AMPD1: variants seen among roughly 807,000 people sequenced by gnomAD.
AMPD1 encodes adenosine monophosphate deaminase 1, also known as AMP deaminase 1.
Under a neutral mutation model 82.9 loss-of-function variants are expected in AMPD1, and 74 were observed. That is an observed-to-expected ratio of 0.89 (90% CI 0.74 to 1.08). The LOEUF is 1.08. Ranked by LOEUF, AMPD1 falls within the 50% of genes least tolerant of loss-of-function variation. The pLI, the probability that AMPD1 is intolerant of heterozygous loss-of-function variation, is 0.00. For missense variants in AMPD1, 881 were observed against 924.5 expected (o/e 0.95, Z 0.61); for synonymous variants, 333 against 320.5 (o/e 1.04, Z -0.42).
rs760951378 is a variant in AMPD1, at chr1:114,675,974, G to C, written c.1418C>G (p.Pro473Arg). 14 of 1,614,040 alleles carry C rather than the reference G, an allele frequency of 8.7e-6. No individual in the cohort carries two copies. Among genetic ancestry groups the C allele is most frequent in the Non-Finnish European group, 1.1e-5 (13 of 1,179,996 alleles). Residue 473 changes from proline (P) to arginine (R), a missense_variant, in exon 11 of 16, where the codon CCA becomes CGA. This residue lies in a region of AMPD1 where 783 missense variants were observed against 786.4 expected (regional missense o/e 1.00). Coordinates refer to ENST00000520113, the MANE Select transcript of AMPD1 (RefSeq NM_000036.3). ...ATTCTCCAGCATTTTTCCAAAATGT[G>C]GAAGGAAATTCTTGGAACGGAACAC... is the stretch of plus-strand genomic sequence containing the variant. The part of the protein sequence containing the change: ...YDVFRSKNFL[P>R]HFGKMLENIF...
rs1658089252 is a variant in AMPD1 at position 114,679,472 on chromosome 1, T to C, written c.897+107A>G. The stretch of plus-strand genomic sequence containing the variant: ...TGTTTTTACTAAAATCCACTGAACC[T>C]GTAGAAATCTTAGATTAATCAGAAA... On this transcript the variant is annotated intron_variant, in intron 7 of 15. Coordinates refer to ENST00000520113, the MANE Select transcript of AMPD1 (RefSeq NM_000036.3). 2.0e-6 allele frequency: 3 copies of C among 1,475,702 alleles called. 1 individual carries two copies. Among genetic ancestry groups the C allele is most frequent in the Non-Finnish European group, 9.4e-7 (1 of 1,061,066 alleles). 91.4% of individuals were successfully genotyped at this position (1,475,702 alleles called of 1,614,324 possible). A position where few individuals can be genotyped will look rare whatever the true frequency, so the allele number is the denominator to read the frequency against.
At chr1:114,691,701 G>C (rs1001423542) in intron 2 of AMPD1, among the ~76,000 whole-genome samples, 1 of 152,082 alleles carries the variant, frequency 6.6e-6, no homozygotes, top group Admixed American at 6.6e-5. Flanking sequence ...TGAGGTGGGC[G>C]GATCACCTGA....
intron 2 of AMPD1, 28 bp from the exon 3 acceptor site, chr1:114,688,769 T>C: frequency 6.2e-7 from 1 of 1,613,594 alleles, no homozygotes; most frequent in Non-Finnish European, 8.5e-7. Context: ...ATATTAGTGT[T>C]CAAGCCCCTT....
At position 114,688,751 on chromosome 1, in the gene AMPD1, G is replaced by T. The variant is rs1282932858; in HGVS notation, c.35-10C>A. Reference sequence around the variant, plus strand: ...ATTGCATCATCAATTTCTAAAAGAGGTTTTCACATATTAGTGTTCAAGCCC... The same window carrying T: ...ATTGCATCATCAATTTCTAAAAGAGTTTTTCACATATTAGTGTTCAAGCCC... On this transcript the variant is annotated splice_polypyrimidine_tract_variant and intron_variant, in intron 2 of 15. Coordinates refer to ENST00000520113, the MANE Select transcript of AMPD1 (RefSeq NM_000036.3). 1 of 1,614,158 alleles carries T rather than the reference G, an allele frequency of 6.2e-7. No homozygotes were observed. Among genetic ancestry groups the T allele is most frequent in the Non-Finnish European group, 8.5e-7 (1 of 1,180,008 alleles).
chr1:114,679,859 A>G (rs1197260018), intron 6 of AMPD1, 151 bp from the exon 7 acceptor site: 1 of 900,340 alleles, frequency 1.1e-6, no homozygotes, highest in Admixed American at 2.1e-5. Flanking sequence ...CCCACTGAGA[A>G]GTAGTGGGCT....
intron 13 of AMPD1, 69 bp downstream of exon 13, chr1:114,674,683 T>C: frequency 1.3e-6 from 2 of 1,543,052 alleles, no homozygotes; most frequent in South Asian, 2.2e-5. Context: ...TGTGACAGTA[T>C]GGTTGGTTAA....
chr1:114,693,335 A>T, intron 2 of AMPD1, 101 bp downstream of exon 2: 1 of 1,204,528 alleles, frequency 8.3e-7, no homozygotes, highest in East Asian at 2.3e-5. Context: ...ATTATTTAAT[A>T]AACACTGCTG....
chr1:114,675,642 A>G lies in AMPD1; in HGVS notation c.1567T>C (p.Phe523Leu). ...DDESKHSGHM[F>L]SSKSPKPQEW... ...TGGGGCTTGGGACTCTTGGAGGAGA[A>G]CATGTGGCCACTGTGTTTGGACTCA... Residue 523 changes from phenylalanine to leucine, a missense_variant, in exon 12 of 16, where the codon TTC (phenylalanine) becomes CTC (leucine). Physicochemically the swap from Phe to Leu is conservative, Grantham distance 22 (BLOSUM62 0). Transcript: ENST00000520113. The G allele has an allele frequency of 6.2e-7, 1 of 1,614,222 alleles. No individual in the cohort carries two copies. Among genetic ancestry groups the G allele is most frequent in the Non-Finnish European group, 8.5e-7 (1 of 1,180,022 alleles).
intron 10 of AMPD1, 140 bp downstream of exon 10, chr1:114,677,211 C>T (rs1432533548): frequency 2.1e-5 from 24 of 1,139,870 alleles, no homozygotes; most frequent in Non-Finnish European, 2.8e-5. Flanking sequence ...CAAAACCAAG[C>T]ATGCAGGACC....
rs375898522 is a variant in AMPD1, at chr1:114,688,602, T to A, written c.174A>T (p.Ile58=). 2.5e-5 allele frequency: 40 copies of A among 1,614,086 alleles called. No individual in the cohort carries two copies. Among genetic ancestry groups the A allele is most frequent in the Non-Finnish European group, 3.1e-5 (36 of 1,180,042 alleles). Residue 58 remains isoleucine, a synonymous_variant, in exon 3 of 16, where the codon ATA becomes ATT. Coordinates refer to ENST00000520113, the MANE Select transcript of AMPD1 (RefSeq NM_000036.3). ...AGGTGGACAGAGTCTCCAGATGGAA[T>A]ATGTGTGCTTGCATCTCATGATGAG... ...PISHHEMQAH[I]FHLETLSTST...
At position 114,688,641 on chromosome 1, in the gene AMPD1, C is replaced by A; in HGVS notation, c.135G>T (p.Glu45Asp). Residue 45 changes from glutamate (E) to aspartate (D), a missense_variant, in exon 3 of 16, where the codon GAG (glutamate) becomes GAT (aspartate). Around this residue, in one of 2 missense-constraint regions of AMPD1, gnomAD observed 783 missense variants for 786.4 expected, o/e 1.00. Transcript: ENST00000520113. ...TCTCATGATGAGAAATCGGACAGATCTCATCCACATCAAAGGGGGAAATCT... is the reference window on the plus strand; with the variant it reads ...TCTCATGATGAGAAATCGGACAGATATCATCCACATCAAAGGGGGAAATCT... ...RQEISPFDVD[E>D]ICPISHHEMQ... The A allele has an allele frequency of 6.2e-7, 1 of 1,614,200 alleles. No homozygotes were observed. Among genetic ancestry groups the A allele is most frequent in the Non-Finnish European group, 8.5e-7 (1 of 1,180,030 alleles).
At chr1:114,693,940 G>A (rs746565709) in intron 1 of AMPD1, among the ~76,000 whole-genome samples, 5 of 152,068 alleles carry the variant, frequency 3.3e-5, no homozygotes, top group African/African-American at 7.2e-5. Context: ...AGTGGCTCAC[G>A]CCTATAATCC....
rs76710407 is a variant in AMPD1 at position 114,676,286 on chromosome 1, G to A, written c.1389-283C>T. Reference sequence around the variant, plus strand: ...ACCTTCACAGCTAAGTCCTCATAGAGGAATATGCAATTACGTCATAAAAGC... The same window carrying A: ...ACCTTCACAGCTAAGTCCTCATAGAAGAATATGCAATTACGTCATAAAAGC... On this transcript the variant is annotated intron_variant, in intron 10 of 15. Coordinates refer to ENST00000520113, the MANE Select transcript of AMPD1 (RefSeq NM_000036.3). The A allele has an allele frequency of 0.081, 32,187 of 395,624 alleles. 1,511 individuals carry two copies. The highest frequency in any genetic ancestry group is 0.11 in the Middle Eastern group (137 of 1,230). The allele number at this position is 395,624 out of a possible 1,614,324, so 24.5% of individuals were successfully genotyped here.
chr1:114,673,341 C>T lies in AMPD1; in HGVS notation c.2086-69G>A, dbSNP rs149414790. 1.9e-6 allele frequency: 3 copies of T among 1,566,726 alleles called. No individual in the cohort carries two copies. In the African/African-American group the frequency reaches 4.1e-5, roughly 21 times the overall value. ...CCCTGGTATAGACAATAATTGCATT[C>T]TTTACAAAAATTCCTTCCTTATGTT... On this transcript the variant is annotated intron_variant, in intron 15 of 15. Coordinates refer to ENST00000520113, the MANE Select transcript of AMPD1 (RefSeq NM_000036.3).
intron 6 of AMPD1, 116 bp from the exon 7 acceptor site, chr1:114,679,824 C>T: frequency 7.9e-7 from 1 of 1,273,100 alleles, no homozygotes; most frequent in East Asian, 2.3e-5. Context: ...TTGGAACAAA[C>T]CTTTTAGTTT....
chr1:114,678,658 G>A, intron 7 of AMPD1, 131 bp from the exon 8 acceptor site: 2 of 854,524 alleles, frequency 2.3e-6, no homozygotes, highest in South Asian at 1.4e-5. Context: ...GCTGACAGTT[G>A]GTGGAGGTGG....
chr1:114,693,818 T>C (rs190926059), intron 1 of AMPD1, among the ~76,000 whole-genome samples: 1 of 152,260 alleles, frequency 6.6e-6, no homozygotes, highest in African/African-American at 2.4e-5. Context: ...AAACAACCAT[T>C]TCTGAGAAGC....
chr1:114,674,129 T>C (rs1657914404), intron 13 of AMPD1, 47 bp from the exon 14 acceptor site: 3 of 1,529,254 alleles, frequency 2.0e-6, no homozygotes, highest in Non-Finnish European at 1.8e-6. Context: ...GAAAAAGGAA[T>C]ACAAACTAGA....
rs1275081707 is a variant in AMPD1 at position 114,674,766 on chromosome 1, G to A, written c.1786C>T (p.Leu596=). 3 of 1,613,704 alleles carry A rather than the reference G, an allele frequency of 1.9e-6. No individual in the cohort carries two copies. Among genetic ancestry groups the A allele is most frequent in the Non-Finnish European group, 8.5e-7 (1 of 1,179,636 alleles). The change falls in exon 13 of 16, where the codon CTA becomes TTA. Residue 596 remains leucine (L), a synonymous_variant. Coordinates refer to ENST00000520113, the MANE Select transcript of AMPD1 (RefSeq NM_000036.3). ...TTCCAACTCACCTTTTTTAAATTTA[G>A]GCCATGAGAGATATCATCTGCTATC... is the stretch of plus-strand genomic sequence containing the variant. The part of the protein sequence containing the change: ...FMIADDISHG[L]NLKKSPVLQY...
Sources: allele counts gnomAD v4.1 joint callset (sites outside exome capture counted in the v4.1 genomes callset), GRCh38; gene constraint gnomAD v4.1.1; regional missense constraint gnomAD v4.1.1; transcripts MANE v1.5; gene names NCBI Gene and HGNC (gene_info 2026-07-23, HGNC 2026-07-21).